The following ARL6IP4 variants were observed in gnomAD, a reference collection of about 807,000 sequenced individuals.
The protein encoded by ARL6IP4 is ADP-ribosylation factor-like protein 6-interacting protein 4.
ARL6IP4 carries 24 observed loss-of-function variants against 28.1 expected under a neutral mutation model. The observed-to-expected ratio is 0.86, with a 90% CI of 0.62 to 1.20. ARL6IP4 has a LOEUF of 1.20. ARL6IP4 is among the 50% of genes most tolerant of loss of function. The pLI is 0.00. For synonymous variants in ARL6IP4, 162 were observed against 122.3 expected (o/e 1.32, Z -2.14); for missense variants, 343 against 302.4 (o/e 1.13, Z -1.00).
At chr12:122,980,534 G>T, upstream of ARL6IP4, 2 of 1,367,074 alleles carry the variant, frequency 1.5e-6, no homozygotes, top group East Asian at 2.9e-5. Context: ...CAGGCGTGAG[G>T]GGCTGCGGAG....
In ARL6IP4 at chr12:122,982,521, C is replaced by T; in HGVS notation, c.640C>T (p.His214Tyr). ...VLEEIVTKER[H>Y]REINKQATRG... ...AGAGGAAATCGTAACCAAAGAACGA[C>T]ACAGAGAGATCAACAAGGTGGGTGT... The change falls in exon 5 of 6, where the codon CAC becomes TAC. Residue 214 changes from histidine (H) to tyrosine (Y), a missense_variant. Coordinates refer to ENST00000315580, the MANE Select transcript of ARL6IP4 (RefSeq NM_018694.4). 1 of 1,614,086 alleles carries T rather than the reference C, an allele frequency of 6.2e-7. No individual in the cohort carries two copies.
chr12:122,980,545 C>T, upstream of ARL6IP4: 1 of 1,355,932 alleles, frequency 7.4e-7, no homozygotes, highest in Non-Finnish European at 9.5e-7. Context: ...GGCTGCGGAG[C>T]TCGAGGGCCG....
upstream of ARL6IP4, chr12:122,980,634 G>C: frequency 7.1e-7 from 1 of 1,402,346 alleles, no homozygotes; most frequent in South Asian, 1.5e-5. Flanking sequence ...CAGCGGCGCC[G>C]CGCTTCCCAG....
Position 122,981,118 on chromosome 12 carries a change from T to G in ARL6IP4, c.-11-11T>G. On this transcript the variant is annotated splice_polypyrimidine_tract_variant and intron_variant, in intron 1 of 5. Transcript: ENST00000315580. ...GGGGCTTCGGCTCAAGCGCGTCTTCTTCGTCGCCAGCCCGCGGCGCCATGG... is the reference window on the plus strand; with the variant it reads ...GGGGCTTCGGCTCAAGCGCGTCTTCGTCGTCGCCAGCCCGCGGCGCCATGG... 1 of 1,546,764 alleles carries G rather than the reference T, an allele frequency of 6.5e-7. No individual in the cohort carries two copies. Among genetic ancestry groups the G allele is most frequent in the Non-Finnish European group, 8.7e-7 (1 of 1,145,444 alleles).
At position 122,980,725 on chromosome 12, in the gene ARL6IP4, C is replaced by G. The variant is rs2037605466; in HGVS notation, c.-32C>G. On this transcript the variant is annotated 5_prime_UTR_variant, in exon 1 of 6. Coordinates refer to ENST00000315580, the MANE Select transcript of ARL6IP4 (RefSeq NM_018694.4). ...CTCGAGAAGGCGCGGGGCGGGCTGT[C>G]CGGCCCGCAGGGCGGTCGAGGTGGG... 3 of 1,324,028 alleles carry G rather than the reference C, an allele frequency of 2.3e-6. No homozygotes were observed. The highest frequency in any genetic ancestry group is 9.6e-7 in the Non-Finnish European group (1 of 1,041,608). 82.0% of individuals were successfully genotyped at this position (1,324,028 alleles called of 1,614,324 possible).
intron 5 of ARL6IP4, 39 bp downstream of exon 5, chr12:122,982,577 CTG>C: frequency 6.2e-7 from 1 of 1,614,180 alleles, no homozygotes; most frequent in Non-Finnish European, 8.5e-7. Context: ...GCCCCCAGCT[CTG>C]TTTGTGATGT....
At position 122,982,505 on chromosome 12, in the gene ARL6IP4, C is replaced by G. The variant is rs370610144; in HGVS notation, c.624C>G (p.Ile208Met). 3 of 1,614,124 alleles carry G rather than the reference C, an allele frequency of 1.9e-6. No individual in the cohort carries two copies. The highest frequency in any genetic ancestry group is 1.7e-6 in the Non-Finnish European group (2 of 1,180,000). ...IKGDGEVLEE[I>M]VTKERHREIN... ...GAGATGGCGAGGTCCTAGAGGAAAT[C>G]GTAACCAAAGAACGACACAGAGAGA... Residue 208 changes from isoleucine to methionine, a missense_variant, in exon 5 of 6, where the codon ATC becomes ATG. By Grantham distance (10) the Ile-to-Met change is conservative (BLOSUM62 1). Coordinates refer to ENST00000315580, the MANE Select transcript of ARL6IP4 (RefSeq NM_018694.4).
Position 122,982,599 on chromosome 12 carries a change from C to T in ARL6IP4, c.658-21C>T, listed in dbSNP as rs368564549. 9.3e-6 allele frequency: 15 copies of T among 1,614,052 alleles called. No homozygotes were observed. In the African/African-American group the frequency reaches 1.6e-4, roughly 17 times the overall value. ...GCTCTGTTTGTGATGTACCCCTCCT[C>T]CTGTGTGCTTTCTTCCCCAGCAAGC... On this transcript the variant is annotated intron_variant, in intron 5 of 5. Transcript: ENST00000315580.
Position 122,982,007 on chromosome 12 carries a change from A to G in ARL6IP4, c.520A>G (p.Lys174Glu). 6.2e-7 allele frequency: 1 copy of G among 1,613,690 alleles called. No individual in the cohort carries two copies. Residue 174 changes from lysine to glutamate, a missense_variant, in exon 4 of 6, where the codon AAG becomes GAG. Physicochemically the swap from Lys to Glu is moderately conservative, Grantham distance 56. Coordinates refer to ENST00000315580, the MANE Select transcript of ARL6IP4 (RefSeq NM_018694.4). The stretch of plus-strand genomic sequence containing the variant: ...AATCCAGGCCATGAAGCCCATGACC[A>G]AGGAGGAGTGGGATGCCCGGCAGAG... The part of the protein sequence containing the change: ...SRIQAMKPMT[K>E]EEWDARQSII...
At chr12:122,980,534 G>A, upstream of ARL6IP4, 1 of 1,367,074 alleles carries the variant, frequency 7.3e-7, no homozygotes, top group Non-Finnish European at 9.4e-7. Flanking sequence ...CAGGCGTGAG[G>A]GGCTGCGGAG....
chr12:122,981,737 CAA>C lies in ARL6IP4; in HGVS notation c.328_329del (p.Lys110GlufsTer51), dbSNP rs2037672427. The C allele has an allele frequency of 6.4e-7, 1 of 1,553,688 alleles. No homozygotes were observed. The highest frequency in any genetic ancestry group is 1.2e-5 in the South Asian group (1 of 84,518). ...GRKKRGKYKD[K>X]RRKKKKKRKK... is the part of the protein sequence containing the mutation. ...GGAAGAAGCGGGGGAAGTACAAGGACAAGAGGAGGAAGAAGAAGAAGAAGAGG... is the reference window on the plus strand; with the variant it reads ...GGAAGAAGCGGGGGAAGTACAAGGACGAGGAGGAAGAAGAAGAAGAAGAGG... On this transcript the variant is annotated frameshift_variant, in exon 3 of 6. Coordinates refer to ENST00000315580, the MANE Select transcript of ARL6IP4 (RefSeq NM_018694.4). LOFTEE classifies it high-confidence loss of function.
intron 3 of ARL6IP4, 28 bp from the exon 4 acceptor site, chr12:122,981,929 T>A (rs771533609): frequency 1.9e-6 from 3 of 1,613,594 alleles, no homozygotes; most frequent in Non-Finnish European, 1.7e-6. Context: ...TCCCAAGGCC[T>A]GGCCACCACC....
At chr12:122,980,432 G>A (rs756298215), upstream of ARL6IP4, 3 of 1,362,550 alleles carry the variant, frequency 2.2e-6, no homozygotes, top group Non-Finnish European at 2.8e-6. Context: ...GCGCGCGCGA[G>A]GGTCGCCTTC....
At position 122,980,708 on chromosome 12, in the gene ARL6IP4, G is replaced by GGCGCGGGGCGGGCTGTCCGGC. The variant is rs2037603907; in HGVS notation, c.-48_-28dup. 7.5e-7 allele frequency: 1 copy of GGCGCGGGGCGGGCTGTCCGGC among 1,329,738 alleles called. No homozygotes were observed. The highest frequency in any genetic ancestry group is 1.5e-5 in the African/African-American group (1 of 65,062). 82.4% of individuals were successfully genotyped at this position (1,329,738 alleles called of 1,614,324 possible). A position where few individuals can be genotyped will look rare whatever the true frequency, so the allele number is the denominator to read the frequency against. On this transcript the variant is annotated 5_prime_UTR_variant, in exon 1 of 6. Coordinates refer to ENST00000315580, the MANE Select transcript of ARL6IP4 (RefSeq NM_018694.4). ...CCTCGCCGCCGCTTCCTCTCGAGAA[G>GGCGCGGGGCGGGCTGTCCGGC]GCGCGGGGCGGGCTGTCCGGCCCGC...
chr12:122,982,100 A>G (rs760982494), intron 4 of ARL6IP4, 26 bp downstream of exon 4: 73 of 1,605,304 alleles, frequency 4.5e-5, no homozygotes, highest in Non-Finnish European at 6.1e-5. Context: ...CCTGACTTAC[A>G]CCACAGGATC....
chr12:122,980,538 T>C, upstream of ARL6IP4: 1 of 1,360,322 alleles, frequency 7.4e-7, no homozygotes, highest in East Asian at 3.0e-5. Flanking sequence ...CGTGAGGGGC[T>C]GCGGAGCTCG....
At position 122,981,148 on chromosome 12, in the gene ARL6IP4, C is replaced by T. The variant is rs200424213; in HGVS notation, c.9C>T (p.His3=). MA[H]VGSRKRSRSR... is the part of the protein sequence containing the mutation. ...CGCCAGCCCGCGGCGCCATGGCTCA[C>T]GTCGGCTCCCGCAAGCGCTCGAGGA... is the stretch of plus-strand genomic sequence containing the variant. The change falls in exon 2 of 6, where the codon CAC becomes CAT. Residue 3 remains histidine, a synonymous_variant. Coordinates refer to ENST00000315580, the MANE Select transcript of ARL6IP4 (RefSeq NM_018694.4). 4 of 1,548,840 alleles carry T rather than the reference C, an allele frequency of 2.6e-6. No individual in the cohort carries two copies. Among genetic ancestry groups the T allele is most frequent in the Admixed American group, 2.0e-5 (1 of 50,914 alleles).
chr12:122,980,730 C>T lies in ARL6IP4; in HGVS notation c.-27C>T. On this transcript the variant is annotated 5_prime_UTR_variant, in exon 1 of 6. Transcript: ENST00000315580. ...GAAGGCGCGGGGCGGGCTGTCCGGCCCGCAGGGCGGTCGAGGTGGGAACGG... is the reference window on the plus strand; with the variant it reads ...GAAGGCGCGGGGCGGGCTGTCCGGCTCGCAGGGCGGTCGAGGTGGGAACGG... The T allele has an allele frequency of 1.5e-6, 2 of 1,322,854 alleles. No homozygotes were observed. Among genetic ancestry groups the T allele is most frequent in the Non-Finnish European group, 1.9e-6 (2 of 1,041,028 alleles). The allele number at this position is 1,322,854 out of a possible 1,614,324, so 81.9% of individuals were successfully genotyped here.
At chr12:122,980,646 CG>C, upstream of ARL6IP4, 1 of 1,393,682 alleles carries the variant, frequency 7.2e-7, no homozygotes. Context: ...GCTTCCCAGC[CG>C]GCCAGCCTCC....
Sources: gnomAD v4.1 joint callset for allele counts on GRCh38, gnomAD v4.1.1 for gene constraint, MANE v1.5 for transcripts, NCBI Gene and HGNC (gene_info 2026-07-23, HGNC 2026-07-21) for gene names.